AKAP6: variants seen among roughly 807,000 people sequenced by gnomAD.
The protein encoded by AKAP6 is A-kinase anchoring protein 6.
In AKAP6, 58 loss-of-function variants were observed where a neutral mutation model predicts 188.5. That is an observed-to-expected ratio of 0.31 (90% CI 0.25 to 0.38). The LOEUF (loss-of-function observed/expected upper bound fraction) is 0.38, where lower values mean the gene tolerates loss of function less well. AKAP6 is among the 10% of genes least tolerant of loss of function. The pLI, the probability that AKAP6 is intolerant of heterozygous loss-of-function variation, is 1.00. For missense variants in AKAP6, 2,710 were observed against 2,740.0 expected (o/e 0.99, Z 0.24); for synonymous variants, 989 against 998.6 (o/e 0.99, Z 0.18).
intron 1 of AKAP6, among the ~76,000 whole-genome samples, chr14:32,366,952 G>A (rs1245856133): frequency 6.6e-6 from 1 of 152,076 alleles, no homozygotes; most frequent in Non-Finnish European, 1.5e-5. Context: ...TAAATCAGCC[G>A]ATATCCCTCT....
At chr14:32,625,893 C>T (rs926309028) in intron 7 of AKAP6, among the ~76,000 whole-genome samples, 1 of 152,062 alleles carries the variant, frequency 6.6e-6, no homozygotes, top group Non-Finnish European at 1.5e-5. Flanking sequence ...ATTTAGGTGA[C>T]TGTATTTCAG....
chr14:32,660,321 CT>C (rs754140216), intron 7 of AKAP6, among the ~76,000 whole-genome samples: 8 of 152,154 alleles, frequency 5.3e-5, no homozygotes, highest in Non-Finnish European at 1.2e-4. Flanking sequence ...CCAAAGCAGC[CT>C]TTCCCCATTG....
Position 32,577,238 on chromosome 14 carries a change from A to T in AKAP6, c.2465A>T (p.His822Leu), listed in dbSNP as rs149912361. 1 of 1,609,156 alleles carries T rather than the reference A, an allele frequency of 6.2e-7. No individual in the cohort carries two copies. Residue 822 changes from histidine to leucine, a missense_variant, in exon 5 of 14, where the codon CAC (histidine) becomes CTC (leucine). His to Leu is a moderately conservative substitution (Grantham distance 99). This residue lies in a region of AKAP6 where 2,473 missense variants were observed against 2,426.1 expected (regional missense o/e 1.02). Transcript: ENST00000280979. Reference sequence around the variant, plus strand: ...GACCTTAAACTGTATCTGGAGACACACTTGGTAGGCAAGATTGTGTTGTTC... The same window carrying T: ...GACCTTAAACTGTATCTGGAGACACTCTTGGTAGGCAAGATTGTGTTGTTC... ...MDDLKLYLET[H>L]LSFKLNVDSH...
At chr14:32,629,889 G>C (rs1048647942) in intron 7 of AKAP6, among the ~76,000 whole-genome samples, 3 of 151,680 alleles carry the variant, frequency 2.0e-5, no homozygotes, top group Non-Finnish European at 4.4e-5. Context: ...CAACAAGCAA[G>C]ACCCTGTCTC....
chr14:32,778,276 T>C (rs1201670160), intron 12 of AKAP6, among the ~76,000 whole-genome samples: 2 of 152,262 alleles, frequency 1.3e-5, no homozygotes, highest in Non-Finnish European at 2.9e-5. Context: ...ATAGTAACTA[T>C]GTGGGTTACT....
rs148121231 is a variant in AKAP6 at position 32,544,714 on chromosome 14, T to C, written c.577-516T>C. Among the ~76,000 whole-genome samples, 754 of 152,318 alleles carry C rather than the reference T, an allele frequency of 5.0e-3. 8 individuals are homozygous for C. Among genetic ancestry groups the C allele is most frequent in the African/African-American group, 0.017 (718 of 41,564 alleles). Reference sequence around the variant, plus strand: ...AATTCAGTAGTTTACCTTCCTTTGATTCATCAATATATGTTTAACACAACT... The same window carrying C: ...AATTCAGTAGTTTACCTTCCTTTGACTCATCAATATATGTTTAACACAACT... On this transcript the variant is annotated intron_variant, in intron 3 of 13. Transcript: ENST00000280979.
chr14:32,546,409 G>T lies in AKAP6; in HGVS notation c.1756G>T (p.Val586Phe). The T allele has an allele frequency of 6.2e-7, 1 of 1,614,160 alleles. No homozygotes were observed. Residue 586 changes from valine (V) to phenylalanine (F), a missense_variant, in exon 4 of 14, where the codon GTT (valine) becomes TTT (phenylalanine). Transcript: ENST00000280979. ...PAFTQSSESS[V>F]GSDNIMSPVP... is the part of the protein sequence containing the mutation. ...TTTTACTCAGAGCAGTGAATCCTCT[G>T]TTGGCTCAGACAACATCATGTCTCC... is the stretch of plus-strand genomic sequence containing the variant.
intron 2 of AKAP6, among the ~76,000 whole-genome samples, chr14:32,443,518 A>G (rs1361910775): frequency 6.6e-6 from 1 of 151,876 alleles, no homozygotes; most frequent in East Asian, 1.9e-4. Context: ...TCTTTTAAAG[A>G]CTCCCCAGGT....
chr14:32,500,231 A>C (rs1342546854), intron 2 of AKAP6, among the ~76,000 whole-genome samples: 1 of 152,186 alleles, frequency 6.6e-6, no homozygotes, highest in Non-Finnish European at 1.5e-5. Flanking sequence ...TTAAGCAATG[A>C]TCTTGCTAAC....
At chr14:32,431,961 C>G (rs1381855580) in intron 1 of AKAP6, among the ~76,000 whole-genome samples, 1 of 152,070 alleles carries the variant, frequency 6.6e-6, no homozygotes, top group Admixed American at 6.6e-5. Context: ...TTTTTTATTT[C>G]CACTCCTCAT....
intron 9 of AKAP6, among the ~76,000 whole-genome samples, chr14:32,721,177 A>G (rs1167923141): frequency 2.0e-5 from 3 of 152,248 alleles, no homozygotes; most frequent in Non-Finnish European, 2.9e-5. Flanking sequence ...TATTATGGCA[A>G]TGATCCACAT....
At chr14:32,525,237 T>G (rs1400128203) in intron 2 of AKAP6, among the ~76,000 whole-genome samples, 1 of 152,228 alleles carries the variant, frequency 6.6e-6, no homozygotes, top group Non-Finnish European at 1.5e-5. Flanking sequence ...TGGTCAGTTT[T>G]CCTCCAAACT....
At chr14:32,784,714 A>T (rs1197476016) in intron 12 of AKAP6, among the ~76,000 whole-genome samples, 1 of 152,180 alleles carries the variant, frequency 6.6e-6, no homozygotes, top group Non-Finnish European at 1.5e-5. Flanking sequence ...CCAAAGATGA[A>T]GAAACTAAAT....
rs149253608 is a variant in AKAP6, at chr14:32,337,266, A to G, written c.-35+7858A>G. Among the ~76,000 whole-genome samples, 318 of 152,288 alleles carry G rather than the reference A, an allele frequency of 2.1e-3. 1 individual carries two copies. Among genetic ancestry groups the G allele is most frequent in the African/African-American group, 7.5e-3 (311 of 41,564 alleles). ...TACATTTCATTTTAAATTAAAAGTA[A>G]ATAAGAATAAGGGGGTGGTGATGAG... On this transcript the variant is annotated intron_variant, in intron 1 of 13. Coordinates refer to ENST00000280979, the MANE Select transcript of AKAP6 (RefSeq NM_004274.5).
At chr14:32,438,739 T>G (rs1890471035) in intron 2 of AKAP6, 1 of 152,248 alleles carries the variant, frequency 6.6e-6, no homozygotes, top group Non-Finnish European at 1.5e-5. Context: ...TCTCTCCGCC[T>G]TCTTTGGATT....
chr14:32,778,203 C>T (rs1196631590), intron 12 of AKAP6, among the ~76,000 whole-genome samples: 2 of 152,058 alleles, frequency 1.3e-5, no homozygotes, highest in Non-Finnish European at 2.9e-5. Context: ...AGTCCTTCAA[C>T]CAAATGGAAA....
intron 9 of AKAP6, chr14:32,718,287 C>T (rs1485814328): frequency 1.0e-6 from 1 of 985,208 alleles, no homozygotes; most frequent in Admixed American, 6.2e-5. Context: ...ATTGAAATGA[C>T]AGTCAAGCTT....
chr14:32,668,208 C>A (rs2139601069), intron 7 of AKAP6, among the ~76,000 whole-genome samples: 1 of 152,238 alleles, frequency 6.6e-6, no homozygotes, highest in African/African-American at 2.4e-5. Flanking sequence ...TCCCTTCCCA[C>A]CCTAGCTCAT....
At chr14:32,364,482 G>T (rs1044649383) in intron 1 of AKAP6, among the ~76,000 whole-genome samples, 3 of 152,212 alleles carry the variant, frequency 2.0e-5, no homozygotes, top group South Asian at 2.1e-4. Flanking sequence ...TGTTGAAAGG[G>T]GGGTAGTGGG....
Sources: allele counts gnomAD v4.1 joint callset (sites outside exome capture counted in the v4.1 genomes callset), GRCh38; gene constraint gnomAD v4.1.1; regional missense constraint gnomAD v4.1.1; transcripts MANE v1.5; gene names NCBI Gene and HGNC (gene_info 2026-07-23, HGNC 2026-07-21).